The following MTA1 variants were observed in gnomAD, a reference collection of about 807,000 sequenced individuals.
The protein encoded by MTA1 is metastasis associated 1, also known as metastasis-associated protein MTA1.
Under a neutral mutation model 97.0 loss-of-function variants are expected in MTA1, and 15 were observed. The observed-to-expected ratio is 0.15, with a 90% CI of 0.10 to 0.24. The LOEUF (loss-of-function observed/expected upper bound fraction) is 0.24, where lower values mean the gene tolerates loss of function less well. Among genes scored for constraint, MTA1 ranks in the 10% least tolerant of loss-of-function variants. The pLI is 1.00. For synonymous variants in MTA1, 435 were observed against 417.5 expected, an observed-to-expected ratio of 1.04 and a Z score of -0.51; for missense variants, 709 against 1,015.1, an observed-to-expected ratio of 0.70 and a Z score of 4.10.
chr14:105,461,051 A>G, intron 10 of MTA1, 98 bp downstream of exon 10: 1 of 1,287,420 alleles, frequency 7.8e-7, no homozygotes, highest in Non-Finnish European at 1.1e-6. Context: ...GCCCTGAGGG[A>G]GCCTGTCCTG....
rs1595361858 is a variant in MTA1, at chr14:105,449,958, G to C, written c.242-100G>C. On this transcript the variant is annotated intron_variant, in intron 4 of 20. Coordinates refer to ENST00000331320, the MANE Select transcript of MTA1 (RefSeq NM_004689.4). The stretch of plus-strand genomic sequence containing the variant: ...AGGAGGAGGCACGCCTCCCAGGACT[G>C]GGCCTCCTGCGTGCTGGCGCCAGGT... 6 of 1,536,954 alleles carry C rather than the reference G, an allele frequency of 3.9e-6. No homozygotes were observed. In the South Asian group the frequency reaches 7.0e-5, roughly 18 times the overall value.
intron 1 of MTA1, among the ~76,000 whole-genome samples, chr14:105,421,948 C>T (rs1017229221): frequency 2.4e-4 from 36 of 152,198 alleles, no homozygotes; most frequent in African/African-American, 8.2e-4. Context: ...TAGGCTGTGG[C>T]GGAGGGGCCC....
At chr14:105,444,189 C>A (rs1468273003) in intron 2 of MTA1, among the ~76,000 whole-genome samples, 4 of 151,336 alleles carry the variant, frequency 2.6e-5, no homozygotes, top group African/African-American at 9.7e-5. Context: ...CTGGCTAACA[C>A]GGTGAAACCC....
intron 3 of MTA1, 34 bp downstream of exon 3, chr14:105,445,545 CGGGAGGGTCGGCTG>C: frequency 6.2e-7 from 1 of 1,608,952 alleles, no homozygotes; most frequent in Non-Finnish European, 8.5e-7. Context: ...GCCCGCCTGG[CGGGAGGGTCGGCTG>C]GGGAGGGCTG....
chr14:105,425,725 G>A (rs1052556402), intron 1 of MTA1, among the ~76,000 whole-genome samples: 16 of 149,852 alleles, frequency 1.1e-4, no homozygotes, highest in Middle Eastern at 3.4e-3. Flanking sequence ...TCATGTCTGA[G>A]TGTGCGGACT....
chr14:105,443,957 G>A (rs1263904909), intron 2 of MTA1, among the ~76,000 whole-genome samples: 3 of 152,070 alleles, frequency 2.0e-5, no homozygotes, highest in Non-Finnish European at 2.9e-5. Flanking sequence ...GTGTGGTGGT[G>A]GGTGCCTATA....
intron 8 of MTA1, among the ~76,000 whole-genome samples, chr14:105,460,052 TGGGG>T: frequency 7.9e-5 from 2 of 25,196 alleles, no homozygotes; most frequent in Non-Finnish European, 8.1e-5. Flanking sequence ...CCCTGGCACC[TGGGG>T]AGCGGTGTGC....
At chr14:105,469,525 A>G (rs1555433801) in intron 19 of MTA1, 27 bp downstream of exon 19, 1 of 1,611,298 alleles carries the variant, frequency 6.2e-7, no homozygotes, top group Non-Finnish European at 8.5e-7. Context: ...ATGATGGGGT[A>G]CGGTGCGCTC....
chr14:105,433,098 A>G (rs2082226985), intron 1 of MTA1, among the ~76,000 whole-genome samples: 1 of 152,176 alleles, frequency 6.6e-6, no homozygotes, highest in Non-Finnish European at 1.5e-5. Flanking sequence ...ACGGTTGATT[A>G]CAGCAAAAGG....
chr14:105,459,931 G>A (rs1188822519), intron 8 of MTA1, among the ~76,000 whole-genome samples: 4 of 23,314 alleles, frequency 1.7e-4, no homozygotes, highest in African/African-American at 4.8e-4. Flanking sequence ...GGTCCCTGGC[G>A]CCTGGGGAGC....
chr14:105,429,354 C>T lies in MTA1; in HGVS notation c.28+9291C>T, dbSNP rs181896014. 8.7e-3 allele frequency among the ~76,000 whole-genome samples: 1,325 copies of T among 152,090 alleles called. 27 individuals carry two copies. Among genetic ancestry groups the T allele is most frequent in the Non-Finnish European group, 0.013 (873 of 67,976 alleles). ...AGGCTGGAGTGCGGTGGCACGATCT[C>T]GGCTCGCTGCAACCTCCGCCTCCCG... On this transcript the variant is annotated intron_variant, in intron 1 of 20. Transcript: ENST00000331320.
chr14:105,438,749 G>A lies in MTA1; in HGVS notation c.96+10G>A. ...CGAGGAGCTCAACAAGGTACTGGGG[G>A]GCCCTGGTGTTGCTGCAGGGGGGTA... On this transcript the variant is annotated intron_variant, in intron 2 of 20. Coordinates refer to ENST00000331320, the MANE Select transcript of MTA1 (RefSeq NM_004689.4). 6.2e-7 allele frequency: 1 copy of A among 1,612,406 alleles called. No individual in the cohort carries two copies. Among genetic ancestry groups the A allele is most frequent in the African/African-American group, 1.3e-5 (1 of 75,014 alleles).
chr14:105,458,736 G>A (rs2083247219), intron 8 of MTA1, among the ~76,000 whole-genome samples: 1 of 152,198 alleles, frequency 6.6e-6, no homozygotes, highest in Non-Finnish European at 1.5e-5. Context: ...AGACCCCTGG[G>A]GCAGGGCGAA....
At chr14:105,437,026 C>T (rs1262609752) in intron 1 of MTA1, among the ~76,000 whole-genome samples, 4 of 152,230 alleles carry the variant, frequency 2.6e-5, no homozygotes, top group South Asian at 2.1e-4. Flanking sequence ...GCGTGTCCCC[C>T]GGGCACCGTG....
intron 7 of MTA1, among the ~76,000 whole-genome samples, 198 bp from the exon 8 acceptor site, chr14:105,458,072 C>T (rs1237226689): frequency 2.6e-5 from 4 of 152,112 alleles, no homozygotes; most frequent in Admixed American, 2.0e-4. Flanking sequence ...GCGTGTGCAC[C>T]CCAGCCCCGG....
intron 18 of MTA1, among the ~76,000 whole-genome samples, chr14:105,468,533 C>T (rs1371119342): frequency 6.6e-6 from 1 of 152,194 alleles, no homozygotes; most frequent in East Asian, 1.9e-4. Context: ...TCCAGGGCCC[C>T]AGTTGGCCCC....
At chr14:105,429,728 C>T (rs1555423011) in intron 1 of MTA1, among the ~76,000 whole-genome samples, 1 of 146,170 alleles carries the variant, frequency 6.8e-6, no homozygotes, top group African/African-American at 2.6e-5. Flanking sequence ...GCTGGGATTA[C>T]AGACGTGAGC....
Position 105,422,155 on chromosome 14 carries a change from G to C in MTA1, c.28+2092G>C, listed in dbSNP as rs1167379542. On this transcript the variant is annotated intron_variant, in intron 1 of 20. Transcript: ENST00000331320. The surrounding 1 kb of genome is among the most constrained non-coding windows in gnomAD (Gnocchi z 4.3). ...CCCGCCCCGAGGACTTCCTCTCCCTGCAGGTGAGACTGTAGGCCTCCCCCT... is the reference window on the plus strand; with the variant it reads ...CCCGCCCCGAGGACTTCCTCTCCCTCCAGGTGAGACTGTAGGCCTCCCCCT... Among the ~76,000 whole-genome samples, 1 of 152,158 alleles carries C rather than the reference G, an allele frequency of 6.6e-6. No individual in the cohort carries two copies. The highest frequency in any genetic ancestry group is 1.5e-5 in the Non-Finnish European group (1 of 68,024).
At chr14:105,452,957 G>A (rs746410140) in intron 6 of MTA1, among the ~76,000 whole-genome samples, 19 of 152,248 alleles carry the variant, frequency 1.2e-4, no homozygotes, top group Non-Finnish European at 2.6e-4. Context: ...GTGATTGGAC[G>A]CCAGGCACAC....
Sources: allele counts gnomAD v4.1 joint callset (sites outside exome capture counted in the v4.1 genomes callset), GRCh38; gene constraint gnomAD v4.1.1; non-coding constraint Gnocchi (gnomAD v3.1); transcripts MANE v1.5; gene names NCBI Gene and HGNC (gene_info 2026-07-23, HGNC 2026-07-21).